Variants in ABR observed in about 807,000 individuals in gnomAD.
ABR encodes active breakpoint cluster region-related protein.
ABR carries 35 observed loss-of-function variants against 107.2 expected under a neutral mutation model. The ratio of observed to expected loss-of-function variants is 0.33; its 90% CI spans 0.25 to 0.43. ABR has a LOEUF of 0.43. ABR is among the 20% of genes least tolerant of loss of function. The pLI is 1.00. For synonymous variants in ABR, 498 were observed against 462.0 expected (o/e 1.08, Z -1.00); for missense variants, 815 against 1,115.2 (o/e 0.73, Z 3.83).
At chr17:1,180,165 C>T (rs1293930509), upstream of ABR, among the ~76,000 whole-genome samples, 1 of 150,726 alleles carries the variant, frequency 6.6e-6, no homozygotes, top group Non-Finnish European at 1.5e-5. Context: ...GAGGAGGGGC[C>T]GCGGGGGTCT....
intron 1 of ABR, among the ~76,000 whole-genome samples, chr17:1,175,206 G>A (rs2041875045): frequency 6.6e-6 from 1 of 152,146 alleles, no homozygotes; most frequent in Non-Finnish European, 1.5e-5. Flanking sequence ...GAGGTCAGGA[G>A]TTGGAGGCCA....
In ABR at chr17:1,125,339, G is replaced by A. The variant is rs759362739; in HGVS notation, c.90C>T (p.Asp30=). ...CCTTCTGCTCCTCATTCCCCTCTCC[G>A]TCGTACTCGTCCGTCCCGTAGCTGA... The part of the protein sequence containing the change: ...SNFSYGTDEY[D]GEGNEEQKGP... The change falls in exon 2 of 23, where the codon GAC becomes GAT. Residue 30 remains aspartate, a synonymous_variant. Coordinates refer to ENST00000302538, the MANE Select transcript of ABR (RefSeq NM_021962.5). The A allele has an allele frequency of 1.7e-5, 27 of 1,613,782 alleles. No individual in the cohort carries two copies. Among genetic ancestry groups the A allele is most frequent in the African/African-American group, 1.2e-4 (9 of 75,050 alleles).
chr17:1,072,984 A>G (rs1289628678), intron 7 of ABR, among the ~76,000 whole-genome samples: 3 of 152,170 alleles, frequency 2.0e-5, no homozygotes, highest in Non-Finnish European at 4.4e-5. Context: ...GTTCGAGACC[A>G]GCCTGGGCAA....
At chr17:1,081,261 G>C (rs1393609356) in intron 5 of ABR, among the ~76,000 whole-genome samples, 1 of 152,228 alleles carries the variant, frequency 6.6e-6, no homozygotes, top group South Asian at 2.1e-4. Context: ...TTTTAATAGA[G>C]ACGGGGTTTC....
At chr17:1,030,323 C>T (rs1185422620) in intron 16 of ABR, among the ~76,000 whole-genome samples, 1 of 152,246 alleles carries the variant, frequency 6.6e-6, no homozygotes, top group African/African-American at 2.4e-5. Context: ...CGGAACCTGC[C>T]AGGTCAGTTT....
At position 1,138,025 on chromosome 17, in the gene ABR, T is replaced by G. The variant is rs1183034070; in HGVS notation, c.62-12658A>C. ...AAGCAATTCTCCTGCCTCAGCCTCCTGAGTAGCTGGGATTACAGGTGCCCA... is the reference window on the plus strand; with the variant it reads ...AAGCAATTCTCCTGCCTCAGCCTCCGGAGTAGCTGGGATTACAGGTGCCCA... On this transcript the variant is annotated intron_variant, in intron 1 of 22. Coordinates refer to ENST00000302538, the MANE Select transcript of ABR (RefSeq NM_021962.5). Among the ~76,000 whole-genome samples, 5 of 151,232 alleles carry G rather than the reference T, an allele frequency of 3.3e-5. No individual in the cohort carries two copies. The South Asian group carries it at 1.0e-3, about 32-fold the overall frequency.
At chr17:1,193,929 C>A (rs183891144) in intron 1 of ABR, among the ~76,000 whole-genome samples, 1 of 151,942 alleles carries the variant, frequency 6.6e-6, no homozygotes, top group African/African-American at 2.4e-5. Flanking sequence ...CTCCTGACCT[C>A]GTGATCTGCC....
intron 4 of ABR, among the ~76,000 whole-genome samples, chr17:1,087,621 C>T (rs2036699280): frequency 6.6e-6 from 1 of 152,250 alleles, no homozygotes; most frequent in African/African-American, 2.4e-5. Context: ...AGTTTATTTC[C>T]TTTTCCAGGG....
intron 1 of ABR, among the ~76,000 whole-genome samples, chr17:1,212,881 A>G (rs887514148): frequency 2.0e-4 from 30 of 151,764 alleles, no homozygotes; most frequent in African/African-American, 6.1e-4. Flanking sequence ...AGAGTGAGAC[A>G]CTGTCTAAAA....
intron 16 of ABR, among the ~76,000 whole-genome samples, chr17:1,031,133 G>A (rs1427018691): frequency 6.6e-6 from 1 of 151,840 alleles, no homozygotes; most frequent in Non-Finnish European, 1.5e-5. Flanking sequence ...CCCCAGACCC[G>A]GCAGCATCTC....
intron 2 of ABR, among the ~76,000 whole-genome samples, chr17:1,104,915 G>A (rs1361388359): frequency 2.0e-5 from 3 of 151,920 alleles, no homozygotes; most frequent in East Asian, 3.8e-4. Flanking sequence ...TTGAAACTTT[G>A]GTTGTTCATA....
chr17:1,023,127 T>TCTGCCGGCCCCACGTCCACTGCAGAGCCA (rs2071851199), intron 16 of ABR, among the ~76,000 whole-genome samples: 1 of 89,560 alleles, frequency 1.1e-5, no homozygotes, highest in African/African-American at 5.2e-5. Flanking sequence ...CTACAGCGCC[T>TCTGCCGGCCCCACGTCCACTGCAGAGCCA]CTGCCGGCCC....
chr17:1,031,178 C>T (rs1040063003), intron 16 of ABR, among the ~76,000 whole-genome samples: 2 of 152,118 alleles, frequency 1.3e-5, no homozygotes, highest in Admixed American at 6.5e-5. Context: ...AAACCTCACA[C>T]GGCAGACGGT....
intron 4 of ABR, among the ~76,000 whole-genome samples, chr17:1,089,895 G>A (rs1177412353): frequency 6.6e-6 from 1 of 152,224 alleles, no homozygotes; most frequent in Admixed American, 6.5e-5. Flanking sequence ...GCGAGGAGGA[G>A]GTTGCAGTGA....
intron 6 of ABR, among the ~76,000 whole-genome samples, chr17:1,075,137 T>C (rs974034255): frequency 6.6e-6 from 1 of 152,194 alleles, no homozygotes; most frequent in African/African-American, 2.4e-5. Context: ...TGGCTGGGAT[T>C]CAGCAGGGAC....
intron 16 of ABR, among the ~76,000 whole-genome samples, chr17:1,034,893 G>C (rs938758186): frequency 6.6e-6 from 1 of 152,040 alleles, no homozygotes; most frequent in Non-Finnish European, 1.5e-5. Flanking sequence ...TGTGAATCCC[G>C]TTCCCAAGGC....
At chr17:1,161,448 G>A (rs1598016646) in intron 1 of ABR, among the ~76,000 whole-genome samples, 1 of 151,838 alleles carries the variant, frequency 6.6e-6, no homozygotes, top group East Asian at 1.9e-4. Flanking sequence ...GTCTTGATAT[G>A]TTGCCCGGAC....
intron 5 of ABR, among the ~76,000 whole-genome samples, chr17:1,081,136 T>G (rs1360185435): frequency 6.6e-6 from 1 of 152,206 alleles, no homozygotes; most frequent in Non-Finnish European, 1.5e-5. Flanking sequence ...CCCCGGGATC[T>G]TGGGCGGCCT....
At position 1,058,056 on chromosome 17, in the gene ABR, G is replaced by A. The variant is rs1317268671; in HGVS notation, c.1306-11C>T. The A allele has an allele frequency of 1.2e-6, 2 of 1,611,198 alleles. No individual in the cohort carries two copies. The highest frequency in any genetic ancestry group is 1.7e-6 in the Non-Finnish European group (2 of 1,178,148). ...TAGGAACAGGTAACTCTGAAGAGAG[G>A]AGATAAGCATAAAGTGGGTGACCAC... On this transcript the variant is annotated splice_polypyrimidine_tract_variant and intron_variant, in intron 11 of 22. Coordinates refer to ENST00000302538, the MANE Select transcript of ABR (RefSeq NM_021962.5).
Sources: allele counts gnomAD v4.1 joint callset (sites outside exome capture counted in the v4.1 genomes callset), GRCh38; gene constraint gnomAD v4.1.1; transcripts MANE v1.5; gene names NCBI Gene and HGNC (gene_info 2026-07-23, HGNC 2026-07-21).